Variants in TUBGCP2 observed in about 807,000 individuals in gnomAD.
The protein encoded by TUBGCP2 is tubulin gamma complex component 2.
Under a neutral mutation model 92.2 loss-of-function variants are expected in TUBGCP2, and 55 were observed. That is an observed-to-expected ratio of 0.60 (90% confidence interval 0.48 to 0.75). TUBGCP2 has a LOEUF of 0.75. Ranked by LOEUF, TUBGCP2 falls within the 30% of genes least tolerant of loss-of-function variation. TUBGCP2 has a pLI of 0.00. For missense variants in TUBGCP2, 1,093 were observed against 1,188.9 expected (o/e 0.92, Z 1.19); for synonymous variants, 533 against 505.2 (o/e 1.06, Z -0.74).
chr10:133,285,000 G>T, intron 13 of TUBGCP2, 85 bp downstream of exon 13: 1 of 1,501,414 alleles, frequency 6.7e-7, no homozygotes, highest in Non-Finnish European at 8.9e-7. Flanking sequence ...TCTACCAGGA[G>T]GGCACAAGGG....
intron 10 of TUBGCP2, among the ~76,000 whole-genome samples, chr10:133,288,629 G>A (rs1847194427): frequency 6.6e-6 from 1 of 152,254 alleles, no homozygotes; most frequent in Non-Finnish European, 1.5e-5. Context: ...GGGCAAGGAG[G>A]GGAGCTGGGG....
upstream of TUBGCP2, chr10:133,311,582 C>A: frequency 1.3e-6 from 1 of 749,428 alleles, no homozygotes; most frequent in Non-Finnish European, 2.2e-6. Flanking sequence ...ACTATAAAAT[C>A]AGACTATGCC....
rs762875359 is a variant in TUBGCP2 at position 133,283,862 on chromosome 10, T to C, written c.2145+20A>G. ...GGAAAGTGGCTTTCAAACGTTATTA[T>C]CTGTGGAGCTAAAACTCACGGATTT... is the stretch of plus-strand genomic sequence containing the variant. On this transcript the variant is annotated intron_variant, in intron 14 of 17. Coordinates refer to ENST00000252936, the MANE Select transcript of TUBGCP2 (RefSeq NM_006659.4). The C allele has an allele frequency of 6.2e-7, 1 of 1,612,902 alleles. No individual in the cohort carries two copies. Among genetic ancestry groups the C allele is most frequent in the Non-Finnish European group, 8.5e-7 (1 of 1,179,346 alleles).
upstream of TUBGCP2, chr10:133,309,255 T>G (rs1589841858): frequency 1.6e-6 from 2 of 1,271,442 alleles, no homozygotes; most frequent in African/African-American, 1.6e-5. Context: ...GGCCGGAACG[T>G]GGAGTGGGCG....
intron 1 of TUBGCP2, among the ~76,000 whole-genome samples, chr10:133,305,805 A>G (rs1847802774): frequency 6.6e-6 from 1 of 152,250 alleles, no homozygotes; most frequent in African/African-American, 2.4e-5. Context: ...GCTCACACAC[A>G]TGCTTTTGAC....
At chr10:133,302,679 C>T in intron 2 of TUBGCP2, 113 bp downstream of exon 2, 1 of 1,371,822 alleles carries the variant, frequency 7.3e-7, no homozygotes, top group Non-Finnish European at 1.0e-6. Context: ...ACCACCCTGA[C>T]CCAGGAACGG....
chr10:133,290,049 C>T (rs541002504), intron 8 of TUBGCP2, 80 bp from the exon 9 acceptor site: 96 of 1,569,414 alleles, frequency 6.1e-5, no homozygotes, highest in African/African-American at 2.2e-4. Context: ...GCCGGCAGCG[C>T]GCAGGGACAT....
intron 15 of TUBGCP2, 84 bp downstream of exon 15, chr10:133,282,994 G>A: frequency 6.4e-7 from 1 of 1,553,104 alleles, no homozygotes; most frequent in South Asian, 1.2e-5. Flanking sequence ...AGGAAAACGT[G>A]AGCAGGCTGC....
upstream of TUBGCP2, chr10:133,311,754 G>T: frequency 6.2e-7 from 1 of 1,613,704 alleles, no homozygotes; most frequent in Non-Finnish European, 8.5e-7. Flanking sequence ...AGTGGAGAGC[G>T]GTCAGAAGGG....
At chr10:133,299,632 A>G in intron 3 of TUBGCP2, 29 bp from the exon 4 acceptor site, 2 of 1,573,198 alleles carry the variant, frequency 1.3e-6, no homozygotes, top group Non-Finnish European at 1.7e-6. Flanking sequence ...GTGTGTTCAC[A>G]CTGGGCCAGC....
Position 133,285,886 on chromosome 10 carries a change from A to G in TUBGCP2, c.1723-258T>C, listed in dbSNP as rs543422490. Among the ~76,000 whole-genome samples the G allele has an allele frequency of 1.1e-3, 167 of 152,292 alleles. No homozygotes were observed. The highest frequency in any genetic ancestry group is 3.8e-3 in the African/African-American group (156 of 41,578). ...AATACCCACTGCTGCTGTGGGTGGT[A>G]TAAGGGAAAAACCGCTAAGGACGGT... On this transcript the variant is annotated intron_variant, in intron 11 of 17. Coordinates refer to ENST00000252936, the MANE Select transcript of TUBGCP2 (RefSeq NM_006659.4). The surrounding 1 kb of genome is among the most constrained non-coding windows in gnomAD (Gnocchi z 6.8).
chr10:133,300,682 G>A (rs1459795962), intron 2 of TUBGCP2: 2 of 152,832 alleles, frequency 1.3e-5, no homozygotes, highest in Non-Finnish European at 2.9e-5. Flanking sequence ...TCACCATGTT[G>A]CCCAGACTGC....
At chr10:133,309,518 G>C (rs1382059093), upstream of TUBGCP2, 6 of 1,554,184 alleles carry the variant, frequency 3.9e-6, no homozygotes, top group Non-Finnish European at 5.3e-6. Context: ...CTCCCTGACC[G>C]GTGCCTGGTC....
intron 1 of TUBGCP2, among the ~76,000 whole-genome samples, chr10:133,304,690 G>C (rs1382519801): frequency 6.6e-6 from 1 of 152,210 alleles, no homozygotes; most frequent in African/African-American, 2.4e-5. Context: ...GCTAGATCTA[G>C]ATCATAGATA....
rs887681328 is a variant in TUBGCP2 at position 133,293,060 on chromosome 10, T to G, written c.1003A>C (p.Met335Leu). 4 of 1,613,426 alleles carry G rather than the reference T, an allele frequency of 2.5e-6. No homozygotes were observed. Among genetic ancestry groups the G allele is most frequent in the Non-Finnish European group, 3.4e-6 (4 of 1,180,002 alleles). Residue 335 changes from methionine to leucine, a missense_variant, in exon 7 of 18, where the codon ATG becomes CTG. Coordinates refer to ENST00000252936, the MANE Select transcript of TUBGCP2 (RefSeq NM_006659.4). Reference sequence around the variant, plus strand: ...GCACCGAGGGAGGCCAGGATGTCCATGGTGCGCATGGCTGGCTGGATGTAG... The same window carrying G: ...GCACCGAGGGAGGCCAGGATGTCCAGGGTGCGCATGGCTGGCTGGATGTAG... ...WFYIQPAMRTMDILASLATSV... is the reference protein window; with the variant it reads ...WFYIQPAMRTLDILASLATSV...
rs1589820140 is a variant in TUBGCP2, at chr10:133,281,445, A to C, written c.2410-9T>G. ...GCGTGCTCAGCCAGGTGCTGGAAAG[A>C]AAGCCGGGGTGCGTGAGCCATGCCC... On this transcript the variant is annotated splice_polypyrimidine_tract_variant and intron_variant, in intron 16 of 17. Transcript: ENST00000252936. 2 of 1,610,730 alleles carry C rather than the reference A, an allele frequency of 1.2e-6. No individual in the cohort carries two copies. Among genetic ancestry groups the C allele is most frequent in the Non-Finnish European group, 1.7e-6 (2 of 1,179,532 alleles).
chr10:133,309,369 C>A (rs757684857), upstream of TUBGCP2: 1 of 1,607,834 alleles, frequency 6.2e-7, no homozygotes, highest in Non-Finnish European at 8.5e-7. Flanking sequence ...TGGCCCCGCC[C>A]ACGGCGCACT....
chr10:133,279,790 G>A lies in TUBGCP2; in HGVS notation c.2685C>T (p.Pro895=), dbSNP rs182252179. 1.6e-5 allele frequency: 25 copies of A among 1,565,930 alleles called. No individual in the cohort carries two copies. In the East Asian group the frequency reaches 3.8e-4, roughly 24 times the overall value. ...PVLRGPPAPA[P]RVAVTAQ ...CTCACTGTGCGGTGACTGCGACCCT[G>A]GGTGCAGGAGCCGGGGGCCCCCGCA... Residue 895 remains proline, a synonymous_variant, in exon 18 of 18, where the codon CCC becomes CCT. Transcript: ENST00000252936.
chr10:133,280,551 C>A (rs1846940823), intron 17 of TUBGCP2, among the ~76,000 whole-genome samples: 1 of 152,230 alleles, frequency 6.6e-6, no homozygotes, highest in African/African-American at 2.4e-5. Context: ...GCCTGATCAG[C>A]CCCACAGGAC....
Sources: gnomAD v4.1 joint callset for allele counts (sites outside exome capture counted in the v4.1 genomes callset) on GRCh38, gnomAD v4.1.1 for gene constraint, Gnocchi (gnomAD v3.1) non-coding constraint, MANE v1.5 for transcripts, NCBI Gene and HGNC (gene_info 2026-07-23, HGNC 2026-07-21) for gene names.